SHOC1: variants seen among roughly 807,000 people sequenced by gnomAD.
SHOC1 encodes shortage in chiasmata 1, also known as protein shortage in chiasmata 1 ortholog.
SHOC1 carries 136 observed loss-of-function variants against 179.2 expected under a neutral mutation model. That is an observed-to-expected ratio of 0.76 (90% CI 0.66 to 0.87). The LOEUF (loss-of-function observed/expected upper bound fraction) is 0.87, where lower values mean the gene tolerates loss of function less well. Ranked by LOEUF, SHOC1 falls within the 40% of genes least tolerant of loss-of-function variation. The probability of loss-of-function intolerance (pLI) is 0.00; values close to 1 mark genes in which losing one functional copy is unlikely to be tolerated. For missense variants in SHOC1, 1,538 were observed against 1,700.8 expected, an observed-to-expected ratio of 0.90 and a Z score of 1.68; for synonymous variants, 489 against 586.6, an observed-to-expected ratio of 0.83 and a Z score of 2.41.
At chr9:111,713,997 A>G (rs924411603) in intron 17 of SHOC1, among the ~76,000 whole-genome samples, 3 of 152,264 alleles carry the variant, frequency 2.0e-5, no homozygotes, top group Admixed American at 2.0e-4. Context: ...TAGGAAAACT[A>G]TGCATAATAA....
chr9:111,732,324 C>T (rs1333048887), intron 12 of SHOC1, among the ~76,000 whole-genome samples: 2 of 152,106 alleles, frequency 1.3e-5, no homozygotes, highest in Non-Finnish European at 1.5e-5. Flanking sequence ...TGGCTCACAC[C>T]TGTAATCCCA....
rs747241601 is a variant in SHOC1, at chr9:111,686,824, T to C, written c.4473A>G (p.Ala1491=). 7 of 1,613,876 alleles carry C rather than the reference T, an allele frequency of 4.3e-6. No individual in the cohort carries two copies. The highest frequency in any genetic ancestry group is 1.1e-5 in the South Asian group (1 of 91,082). ...CAACTCTACCAGGGACTTTTTCATA[T>C]GCTAGACGTCGTTTTTTGAATTGTG... The part of the protein sequence containing the change: ...QLPQFKKRRL[A]YEKVPGRVDG... Residue 1491 remains alanine, a synonymous_variant, in exon 28 of 28, where the codon GCA becomes GCG. Transcript: ENST00000682961.
chr9:111,719,099 A>G (rs998784069), intron 15 of SHOC1, among the ~76,000 whole-genome samples: 2 of 152,194 alleles, frequency 1.3e-5, no homozygotes, highest in Non-Finnish European at 2.9e-5. Context: ...TAGTATATTC[A>G]GCCCCTAGAA....
In SHOC1 at chr9:111,705,479, A is replaced by G. The variant is rs1832226965; in HGVS notation, c.2738-115T>C. On this transcript the variant is annotated intron_variant, in intron 20 of 27. Coordinates refer to ENST00000682961, the MANE Select transcript of SHOC1 (RefSeq NM_001378211.1). ...AGGAGTAGTATAAAAATAATATTCAATGTAAAAAATCAGAAACAGAATAAA... is the reference window on the plus strand; with the variant it reads ...AGGAGTAGTATAAAAATAATATTCAGTGTAAAAAATCAGAAACAGAATAAA... 1.8e-5 allele frequency: 8 copies of G among 449,342 alleles called. No homozygotes were observed. In the East Asian group the frequency reaches 2.5e-4, roughly 14 times the overall value. The allele number at this position is 449,342 out of a possible 1,614,324, so 27.8% of individuals were successfully genotyped here. A position where few individuals can be genotyped will look rare whatever the true frequency, so the allele number is the denominator to read the frequency against.
chr9:111,754,473 G>A (rs1435797968), intron 8 of SHOC1, among the ~76,000 whole-genome samples: 1 of 152,146 alleles, frequency 6.6e-6, no homozygotes, highest in Admixed American at 6.5e-5. Context: ...GTTTTGGAGA[G>A]GATGTAGGTA....
At position 111,736,987 on chromosome 9, in the gene SHOC1, A is replaced by G. The variant is rs184335793; in HGVS notation, c.1417+1293T>C. ...CTCAACATCACCAATCATCAGAGAA[A>G]TGCAAATCAAAGCTACAATGAGGTA... On this transcript the variant is annotated intron_variant, in intron 12 of 27. Coordinates refer to ENST00000682961, the MANE Select transcript of SHOC1 (RefSeq NM_001378211.1). 6.6e-5 allele frequency among the ~76,000 whole-genome samples: 10 copies of G among 152,382 alleles called. No homozygotes were observed. The East Asian group carries it at 1.9e-3, about 29-fold the overall frequency.
At chr9:111,739,074 C>A (rs1589427816) in intron 11 of SHOC1, among the ~76,000 whole-genome samples, 1 of 151,856 alleles carries the variant, frequency 6.6e-6, no homozygotes, top group East Asian at 1.9e-4. Flanking sequence ...TAAACATCAA[C>A]CTGAAATTAG....
intron 3 of SHOC1, among the ~76,000 whole-genome samples, chr9:111,783,941 G>A (rs1231401968): frequency 2.6e-5 from 4 of 152,136 alleles, no homozygotes; most frequent in Admixed American, 6.6e-5. Flanking sequence ...CAGTCCACCT[G>A]GGTTTGATGT....
intron 1 of SHOC1, among the ~76,000 whole-genome samples, chr9:111,792,900 T>A (rs1218906117): frequency 6.6e-6 from 1 of 152,024 alleles, no homozygotes; most frequent in East Asian, 1.9e-4. Context: ...TTTTTTTTTT[T>A]GAGACGGAGT....
At chr9:111,699,526 C>T (rs1831863899) in intron 24 of SHOC1, among the ~76,000 whole-genome samples, 1 of 152,066 alleles carries the variant, frequency 6.6e-6, no homozygotes, top group African/African-American at 2.4e-5. Context: ...TGAACTTGGA[C>T]AAATGTCTAA....
In SHOC1 at chr9:111,718,184, C is replaced by A; in HGVS notation, c.2236G>T (p.Gly746Ter). The A allele has an allele frequency of 6.3e-7, 1 of 1,575,122 alleles. No homozygotes were observed. The highest frequency in any genetic ancestry group is 1.2e-5 in the South Asian group (1 of 83,540). Residue 746 changes from glycine (G) to a stop codon, truncating the protein, a stop_gained and splice_region_variant, in exon 16 of 28, where the codon GGA becomes TGA. Transcript: ENST00000682961. LOFTEE classifies it high-confidence loss of function. ...AGGAAATAAAATATTCCCCACCAAC[C>A]CAATGCTGTGTCCAAGCTGCATGTT... ...LLTCSLDTAL[G>*]YLSKAKDIYN...
Position 111,758,070 on chromosome 9 carries a change from G to T in SHOC1, c.708+14C>A. 1 of 1,288,916 alleles carries T rather than the reference G, an allele frequency of 7.8e-7. No individual in the cohort carries two copies. Among genetic ancestry groups the T allele is most frequent in the Non-Finnish European group, 1.1e-6 (1 of 922,876 alleles). The allele number at this position is 1,288,916 out of a possible 1,614,324, so 79.8% of individuals were successfully genotyped here. A position where few individuals can be genotyped will look rare whatever the true frequency, so the allele number is the denominator to read the frequency against. On this transcript the variant is annotated intron_variant, in intron 7 of 27. Transcript: ENST00000682961. ...TACTTTTACTAAAATATTATTGAAAGCCAGTATTACAACCTCATTTAAACA... is the reference window on the plus strand; with the variant it reads ...TACTTTTACTAAAATATTATTGAAATCCAGTATTACAACCTCATTTAAACA...
chr9:111,745,420 T>C (rs1047077996), intron 10 of SHOC1, among the ~76,000 whole-genome samples: 10 of 152,288 alleles, frequency 6.6e-5, no homozygotes, highest in African/African-American at 1.9e-4. Flanking sequence ...ATGGGCTGAA[T>C]TGTGTCCCCA....
At position 111,699,996 on chromosome 9, in the gene SHOC1, A is replaced by G; in HGVS notation, c.3141T>C (p.Ala1047=). The change falls in exon 24 of 28, where the codon GCT becomes GCC. Residue 1047 remains alanine (A), a synonymous_variant. Transcript: ENST00000682961. The part of the protein sequence containing the change: ...TLHHLALIYA[A]LVSFGLNSEE... ...CAGAGTTTAGCCCAAATGAAACCAA[A>G]GCTGCATAAATCAGTGCTAGGTGAT... 1.2e-6 allele frequency: 2 copies of G among 1,609,208 alleles called. No individual in the cohort carries two copies. Among genetic ancestry groups the G allele is most frequent in the South Asian group, 1.1e-5 (1 of 90,034 alleles).
At chr9:111,778,068 A>G (rs1294882317) in intron 4 of SHOC1, among the ~76,000 whole-genome samples, 1 of 152,166 alleles carries the variant, frequency 6.6e-6, no homozygotes, top group Non-Finnish European at 1.5e-5. Flanking sequence ...TTGGTACTAC[A>G]GTTTTGAGAC....
chr9:111,741,022 T>C lies in SHOC1; in HGVS notation c.1174+454A>G, dbSNP rs559186534. ...CTTGGGCCTCAGCCTACCGACTAGCTGGGACTAAAGGTGCGCTCCGACACT... is the reference window on the plus strand; with the variant it reads ...CTTGGGCCTCAGCCTACCGACTAGCCGGGACTAAAGGTGCGCTCCGACACT... On this transcript the variant is annotated intron_variant, in intron 11 of 27. Transcript: ENST00000682961. 7.9e-5 allele frequency among the ~76,000 whole-genome samples: 12 copies of C among 152,326 alleles called. No homozygotes were observed. The South Asian group carries it at 1.5e-3, about 18-fold the overall frequency.
At chr9:111,737,973 G>A (rs976007148) in intron 12 of SHOC1, 3 of 366,712 alleles carry the variant, frequency 8.2e-6, no homozygotes, top group Admixed American at 4.5e-5. Context: ...AACGGAAACT[G>A]CTAGCAATTT....
At chr9:111,730,903 T>C (rs1052920484) in intron 12 of SHOC1, among the ~76,000 whole-genome samples, 1 of 152,224 alleles carries the variant, frequency 6.6e-6, no homozygotes, top group Non-Finnish European at 1.5e-5. Context: ...TTGTTTAGTG[T>C]AGCCATCTTC....
intron 9 of SHOC1, among the ~76,000 whole-genome samples, chr9:111,747,056 TAAAC>T (rs1315613413): frequency 1.3e-5 from 2 of 152,162 alleles, no homozygotes; most frequent in Admixed American, 1.3e-4. Flanking sequence ...TTAGTGATGT[TAAAC>T]AAACTGTATT....
Sources: allele counts gnomAD v4.1 joint callset (sites outside exome capture counted in the v4.1 genomes callset), GRCh38; gene constraint gnomAD v4.1.1; transcripts MANE v1.5; gene names NCBI Gene and HGNC (gene_info 2026-07-23, HGNC 2026-07-21).